Variants in SIPA1L3 observed in about 807,000 individuals in gnomAD.
SIPA1L3 encodes signal-induced proliferation-associated 1-like protein 3.
A neutral mutation model predicts 150.1 loss-of-function variants in SIPA1L3; 59 were observed. The ratio of observed to expected loss-of-function variants is 0.39; its 90% CI spans 0.32 to 0.49. SIPA1L3 has a LOEUF of 0.49. Ranked by LOEUF, SIPA1L3 falls within the 20% of genes least tolerant of loss-of-function variation. The pLI is 0.86. For synonymous variants in SIPA1L3, 1,070 were observed against 1,077.6 expected, an observed-to-expected ratio of 0.99 and a Z score of 0.14; for missense variants, 2,211 against 2,489.5, an observed-to-expected ratio of 0.89 and a Z score of 2.38.
At chr19:38,140,597 G>T (rs1971553084) in intron 10 of SIPA1L3, among the ~76,000 whole-genome samples, 1 of 152,172 alleles carries the variant, frequency 6.6e-6, no homozygotes, top group African/African-American at 2.4e-5. Flanking sequence ...CCTGGGTCAG[G>T]TAGAAGCGAG....
chr19:37,959,064 A>T (rs987938948), intron 1 of SIPA1L3, among the ~76,000 whole-genome samples: 3 of 152,258 alleles, frequency 2.0e-5, no homozygotes, highest in Admixed American at 6.5e-5. Flanking sequence ...TGGAACCCTC[A>T]TACATGGCTG....
intron 12 of SIPA1L3, among the ~76,000 whole-genome samples, 193 bp downstream of exon 12, chr19:38,142,903 G>A (rs1971624809): frequency 1.3e-5 from 2 of 152,178 alleles, no homozygotes; most frequent in Admixed American, 6.5e-5. Flanking sequence ...GGGCTGGGCA[G>A]GACCCATCGT....
In SIPA1L3 at chr19:37,941,588, A is replaced by G. The variant is rs371260972; in HGVS notation, c.-379+34230A>G. Among the ~76,000 whole-genome samples, 5 of 151,984 alleles carry G rather than the reference A, an allele frequency of 3.3e-5. No homozygotes were observed. The East Asian group carries it at 7.7e-4, about 24-fold the overall frequency. ...AATAAACAGATGAACCAGTCCAGTC[A>G]TCTCATTGTGTGGGCACGGCTGCTC... On this transcript the variant is annotated intron_variant, in intron 1 of 21. Transcript: ENST00000222345.
chr19:37,959,380 T>G (rs1419917771), intron 1 of SIPA1L3, among the ~76,000 whole-genome samples: 2 of 152,168 alleles, frequency 1.3e-5, no homozygotes, highest in African/African-American at 4.8e-5. Context: ...ACAACATGGA[T>G]GAACCCTGAA....
Position 37,979,610 on chromosome 19 carries a change from C to T in SIPA1L3, c.-378-49479C>T, listed in dbSNP as rs184973794. Among the ~76,000 whole-genome samples the T allele has an allele frequency of 4.5e-3, 688 of 151,992 alleles. 3 individuals carry two copies. The highest frequency in any genetic ancestry group is 0.014 in the African/African-American group (578 of 41,446). ...CTGTCTATAAATATTTATTGGAACA[C>T]GGCCCGCCCATTTGGTTGTGTATTG... On this transcript the variant is annotated intron_variant, in intron 1 of 21. Transcript: ENST00000222345.
At chr19:37,934,329 A>G (rs988366789) in intron 1 of SIPA1L3, among the ~76,000 whole-genome samples, 4 of 152,192 alleles carry the variant, frequency 2.6e-5, no homozygotes, top group African/African-American at 9.7e-5. Context: ...TGTGCAGAGC[A>G]GGAGGGAAGC....
At chr19:38,036,671 A>G (rs936653953) in intron 2 of SIPA1L3, among the ~76,000 whole-genome samples, 50 of 152,176 alleles carry the variant, frequency 3.3e-4, no homozygotes, top group African/African-American at 1.2e-3. Context: ...AATGCCTCTG[A>G]TGGGCGAGTT....
chr19:38,154,790 C>G (rs1971907939), intron 13 of SIPA1L3, among the ~76,000 whole-genome samples: 1 of 137,866 alleles, frequency 7.3e-6, no homozygotes, highest in Non-Finnish European at 1.5e-5. Context: ...GAGACAGAGT[C>G]TTACTCTGTT....
At chr19:38,154,173 C>T (rs1377757926) in intron 13 of SIPA1L3, among the ~76,000 whole-genome samples, 2 of 152,178 alleles carry the variant, frequency 1.3e-5, no homozygotes, top group Non-Finnish European at 2.9e-5. Flanking sequence ...TGGTTTCTGT[C>T]ACTCAGTGTT....
At chr19:37,952,827 G>C (rs1465304466) in intron 1 of SIPA1L3, among the ~76,000 whole-genome samples, 1 of 152,238 alleles carries the variant, frequency 6.6e-6, no homozygotes, top group African/African-American at 2.4e-5. Context: ...TTAAAATACA[G>C]CAGCTCTGTT....
intron 7 of SIPA1L3, among the ~76,000 whole-genome samples, chr19:38,107,862 A>T (rs1313375642): frequency 6.6e-6 from 1 of 152,024 alleles, no homozygotes; most frequent in Non-Finnish European, 1.5e-5. Context: ...CTATAGTCCC[A>T]GCTACTCAGG....
chr19:37,962,552 T>C (rs2046869065), intron 1 of SIPA1L3, among the ~76,000 whole-genome samples: 1 of 150,314 alleles, frequency 6.7e-6, no homozygotes, highest in Admixed American at 6.7e-5. Flanking sequence ...CTTCTCAGCC[T>C]TGACTTCCTG....
intron 1 of SIPA1L3, among the ~76,000 whole-genome samples, chr19:38,020,604 G>A (rs904018380): frequency 6.6e-5 from 10 of 152,202 alleles, no homozygotes; most frequent in African/African-American, 2.4e-4. Context: ...CGACCACAGT[G>A]CCTGTGTGCC....
At chr19:38,197,880 C>A (rs1003528275) in intron 18 of SIPA1L3, among the ~76,000 whole-genome samples, 3 of 150,408 alleles carry the variant, frequency 2.0e-5, no homozygotes, top group African/African-American at 2.5e-5. Context: ...AAATCCCCCC[C>A]CAAACACACA....
At chr19:38,168,045 T>G (rs1328572897) in intron 15 of SIPA1L3, among the ~76,000 whole-genome samples, 1 of 152,040 alleles carries the variant, frequency 6.6e-6, no homozygotes, top group Non-Finnish European at 1.5e-5. Context: ...CACTGTCAAA[T>G]GAGGGAAGCA....
chr19:38,160,994 A>G (rs566077382), intron 13 of SIPA1L3, among the ~76,000 whole-genome samples: 12 of 152,234 alleles, frequency 7.9e-5, no homozygotes, highest in Non-Finnish European at 1.8e-4. Context: ...GACATATTAC[A>G]AAGTGAAAAA....
At chr19:38,088,607 A>C (rs1384862134) in intron 3 of SIPA1L3, 114 bp from the exon 4 acceptor site, 1 of 1,322,610 alleles carries the variant, frequency 7.6e-7, no homozygotes, top group Non-Finnish European at 1.0e-6. Flanking sequence ...CGTGACCAGC[A>C]TCCCACAGAT....
intron 1 of SIPA1L3, among the ~76,000 whole-genome samples, chr19:37,970,017 T>C (rs1966894719): frequency 1.3e-5 from 2 of 152,238 alleles, no homozygotes; most frequent in African/African-American, 4.8e-5. Flanking sequence ...TGCTTTGCAT[T>C]GCATCCCCAG....
At chr19:37,979,148 C>T (rs1174266040) in intron 1 of SIPA1L3, among the ~76,000 whole-genome samples, 1 of 152,066 alleles carries the variant, frequency 6.6e-6, no homozygotes, top group Admixed American at 6.6e-5. Flanking sequence ...CGGGCGAGAT[C>T]CAACTCACTG....
Sources: allele counts gnomAD v4.1 joint callset (sites outside exome capture counted in the v4.1 genomes callset), GRCh38; gene constraint gnomAD v4.1.1; transcripts MANE v1.5; gene names NCBI Gene and HGNC (gene_info 2026-07-23, HGNC 2026-07-21).